Variants in PHACTR4 observed in about 807,000 individuals in gnomAD.
The protein encoded by PHACTR4 is phosphatase and actin regulator 4.
In PHACTR4, 51 loss-of-function variants were observed where a neutral mutation model predicts 72.7. The observed-to-expected ratio is 0.70, with a 90% CI of 0.56 to 0.89. The LOEUF is 0.89. PHACTR4 is among the 40% of genes least tolerant of loss of function. PHACTR4 has a pLI of 0.00. For synonymous variants in PHACTR4, 255 were observed against 302.5 expected (o/e 0.84, Z 1.63); for missense variants, 731 against 861.8 (o/e 0.85, Z 1.90).
At chr1:28,384,769 G>A (rs190421083) in intron 1 of PHACTR4, among the ~76,000 whole-genome samples, 5 of 152,188 alleles carry the variant, frequency 3.3e-5, no homozygotes, top group African/African-American at 1.2e-4. Flanking sequence ...GTGCACACCT[G>A]TAATCCCAAC....
intron 6 of PHACTR4, among the ~76,000 whole-genome samples, chr1:28,471,937 C>T (rs1659582542): frequency 6.6e-6 from 1 of 151,852 alleles, no homozygotes; most frequent in South Asian, 2.1e-4. Flanking sequence ...GTAGGCCGGG[C>T]GCGGTGGCTC....
chr1:28,491,670 C>T lies in PHACTR4; in HGVS notation c.1899C>T (p.Val633=), dbSNP rs751969826. 27 of 1,613,846 alleles carry T rather than the reference C, an allele frequency of 1.7e-5. No individual in the cohort carries two copies. The highest frequency in any genetic ancestry group is 3.3e-5 in the Admixed American group (2 of 59,962). ...TTCAGCTCAGTCAAAGGCCAACTGT[C>T]GCTGAACTCCTTGCCAGGAAGATTC... The part of the protein sequence containing the change: ...LTRKLSQRPT[V]AELLARKILR... Residue 633 remains valine (V), a synonymous_variant, in exon 12 of 14, where the codon GTC becomes GTT. Coordinates refer to ENST00000373839, the MANE Select transcript of PHACTR4 (RefSeq NM_001048183.3).
chr1:28,378,052 C>G (rs543535921), intron 1 of PHACTR4, among the ~76,000 whole-genome samples: 1 of 149,308 alleles, frequency 6.7e-6, no homozygotes, highest in South Asian at 2.1e-4. Flanking sequence ...AAAAAATTAT[C>G]CGGGCATGGT....
rs573801530 is a variant in PHACTR4, at chr1:28,432,007, G to A, written c.16+24544G>A. ...GGGCAGATCATGAGGTTAGGAGTTC[G>A]AGACGAGCCTGACCAACATGGTGAA... On this transcript the variant is annotated intron_variant, in intron 2 of 13. Transcript: ENST00000373839. 6.6e-5 allele frequency among the ~76,000 whole-genome samples: 10 copies of A among 151,356 alleles called. 1 individual carries two copies. The South Asian group carries it at 1.9e-3, about 28-fold the overall frequency.
chr1:28,479,352 G>C (rs188092516), intron 8 of PHACTR4, among the ~76,000 whole-genome samples: 1 of 151,318 alleles, frequency 6.6e-6, no homozygotes, highest in Admixed American at 6.6e-5. Flanking sequence ...CCCAGGAGAC[G>C]GAAGTCGCAG....
At chr1:28,438,567 A>G in intron 2 of PHACTR4, 3 of 931,602 alleles carry the variant, frequency 3.2e-6, no homozygotes, top group East Asian at 5.8e-5. Flanking sequence ...TTTGTGAAGA[A>G]TGAATGAAGT....
intron 2 of PHACTR4, chr1:28,458,009 T>A: frequency 4.0e-6 from 1 of 252,686 alleles, no homozygotes; most frequent in Non-Finnish European, 6.3e-6. Flanking sequence ...CCTGCATGCA[T>A]GGTCATTATG....
intron 1 of PHACTR4, among the ~76,000 whole-genome samples, chr1:28,390,994 CT>C (rs1184925742): frequency 1.3e-5 from 2 of 150,418 alleles, no homozygotes; most frequent in African/African-American, 4.9e-5. Context: ...ACTTGGGAGG[CT>C]GAGGTGGGAA....
chr1:28,375,775 A>T (rs188046901), intron 1 of PHACTR4, among the ~76,000 whole-genome samples: 1 of 152,038 alleles, frequency 6.6e-6, no homozygotes, highest in African/African-American at 2.4e-5. Context: ...CCTGTTGTAA[A>T]ACTTTCACAA....
At chr1:28,435,544 C>T (rs555862180) in intron 2 of PHACTR4, among the ~76,000 whole-genome samples, 85 of 152,298 alleles carry the variant, frequency 5.6e-4, no homozygotes, top group Middle Eastern at 3.4e-3. Context: ...GGATTATAGG[C>T]GTGAGCCACC....
chr1:28,493,198 G>A, intron 13 of PHACTR4, 107 bp downstream of exon 13: 3 of 940,782 alleles, frequency 3.2e-6, no homozygotes, highest in Non-Finnish European at 5.0e-6. Context: ...AACACTCAGT[G>A]TTGATTGCAA....
chr1:28,388,487 AAT>A (rs1339518743), intron 1 of PHACTR4, among the ~76,000 whole-genome samples: 2 of 152,194 alleles, frequency 1.3e-5, no homozygotes, highest in Non-Finnish European at 2.9e-5. Flanking sequence ...GTCTTCAGTA[AAT>A]GATGTTGGGT....
rs376686876 is a variant in PHACTR4, at chr1:28,476,164, G to C, written c.1479G>C (p.Met493Ile). ...QTCPSTFSEEMTPTSVIPKLP... is the reference protein window; with the variant it reads ...QTCPSTFSEEITPTSVIPKLP... ...GTCCATCCACATTCAGTGAAGAAAT[G>C]ACACCTACCTCAGTCATTCCTAAAT... Residue 493 changes from methionine to isoleucine, a missense_variant, in exon 8 of 14, where the codon ATG becomes ATC. Met to Ile is a conservative substitution (Grantham distance 10, BLOSUM62 1). Coordinates refer to ENST00000373839, the MANE Select transcript of PHACTR4 (RefSeq NM_001048183.3). 7.6e-5 allele frequency: 122 copies of C among 1,611,954 alleles called. No homozygotes were observed. Among genetic ancestry groups the C allele is most frequent in the Non-Finnish European group, 9.5e-5 (112 of 1,179,126 alleles).
Position 28,448,948 on chromosome 1 carries a change from G to C in PHACTR4, c.17-10137G>C, listed in dbSNP as rs577269971. Among the ~76,000 whole-genome samples, 4 of 151,156 alleles carry C rather than the reference G, an allele frequency of 2.6e-5. No homozygotes were observed. The South Asian group carries it at 8.4e-4, about 32-fold the overall frequency. ...GAGGATTGCTTGAGACCAGGAGTTC[G>C]AGACCAGCCTGGGCAACATAGCGAA... On this transcript the variant is annotated intron_variant, in intron 2 of 13. Transcript: ENST00000373839.
At chr1:28,457,122 A>G (rs994499585) in intron 2 of PHACTR4, among the ~76,000 whole-genome samples, 1 of 152,164 alleles carries the variant, frequency 6.6e-6, no homozygotes, top group African/African-American at 2.4e-5. Context: ...AAACTAATGC[A>G]TCAGTAGTCA....
chr1:28,398,232 G>A (rs1046805162), intron 1 of PHACTR4, among the ~76,000 whole-genome samples: 1 of 152,122 alleles, frequency 6.6e-6, no homozygotes, highest in African/African-American at 2.4e-5. Flanking sequence ...TTAAATATCT[G>A]TTGGGTGGCT....
At chr1:28,408,885 G>A (rs1465686307) in intron 2 of PHACTR4, among the ~76,000 whole-genome samples, 15 of 138,676 alleles carry the variant, frequency 1.1e-4, no homozygotes, top group African/African-American at 3.6e-4. Flanking sequence ...TTGCCTTGTT[G>A]AGCAGGCGGC....
At chr1:28,373,313 G>A (rs1651387485) in intron 1 of PHACTR4, among the ~76,000 whole-genome samples, 1 of 149,458 alleles carries the variant, frequency 6.7e-6, no homozygotes, top group East Asian at 1.9e-4. Context: ...TTTTTGAGAT[G>A]GAGTTTCACT....
chr1:28,473,562 T>C lies in PHACTR4; in HGVS notation c.832T>C (p.Ser278Pro), dbSNP rs2124503993. ...RNSNPVIAEL[S>P]QAINSGTLLS... Reference sequence around the variant, plus strand: ...TGCTCTCTCTTTTCCAGCTGAACTGTCCCAAGCAATAAACAGTGGTACATT... The same window carrying C: ...TGCTCTCTCTTTTCCAGCTGAACTGCCCCAAGCAATAAACAGTGGTACATT... The change falls in exon 7 of 14, where the codon TCC becomes CCC. Residue 278 changes from serine to proline, a missense_variant. Physicochemically the swap from Ser to Pro is moderately conservative, Grantham distance 74. Transcript: ENST00000373839. 1 of 1,606,118 alleles carries C rather than the reference T, an allele frequency of 6.2e-7. No homozygotes were observed. The highest frequency in any genetic ancestry group is 1.7e-5 in the Admixed American group (1 of 59,720).
Sources: gnomAD v4.1 joint callset for allele counts (sites outside exome capture counted in the v4.1 genomes callset) on GRCh38, gnomAD v4.1.1 for gene constraint, MANE v1.5 for transcripts, NCBI Gene and HGNC (gene_info 2026-07-23, HGNC 2026-07-21) for gene names.